The following OLR1 variants were observed in gnomAD, a reference collection of about 807,000 sequenced individuals.
OLR1 encodes the protein oxidized low density lipoprotein receptor 1.
In OLR1, 23 loss-of-function variants were observed where a neutral mutation model predicts 31.7. The ratio of observed to expected loss-of-function variants is 0.72; its 90% CI spans 0.52 to 1.03. OLR1 has a LOEUF of 1.03. Ranked by LOEUF, OLR1 falls within the 50% of genes least tolerant of loss-of-function variation. The pLI is 0.00. For missense variants in OLR1, 286 were observed against 315.7 expected (o/e 0.91, Z 0.71); for synonymous variants, 117 against 115.8 (o/e 1.01, Z -0.07).
rs960367750 is a variant in OLR1, at chr12:10,160,678, A to G, written c.564+108T>C. ...ATTGGTGATCAGACTAAGCTAAAAA[A>G]ACAGACATTTTGGCTCTCAAACAAG... On this transcript the variant is annotated intron_variant, in intron 4 of 5. Coordinates refer to ENST00000309539, the MANE Select transcript of OLR1 (RefSeq NM_002543.4). The G allele has an allele frequency of 3.5e-6, 5 of 1,427,898 alleles. No individual in the cohort carries two copies. The African/African-American group carries it at 7.0e-5, about 20-fold the overall frequency. 88.5% of individuals were successfully genotyped at this position (1,427,898 alleles called of 1,614,324 possible).
intron 2 of OLR1, among the ~76,000 whole-genome samples, chr12:10,168,847 A>C (rs1165497837): frequency 6.6e-6 from 1 of 152,156 alleles, no homozygotes; most frequent in Non-Finnish European, 1.5e-5. Flanking sequence ...ACAAACAAAC[A>C]AAAAAATGCC....
At chr12:10,167,018 T>C (rs1804354884) in intron 2 of OLR1, 61 bp from the exon 3 acceptor site, 19 of 1,507,128 alleles carry the variant, frequency 1.3e-5, no homozygotes, top group Non-Finnish European at 1.6e-5. Context: ...TCCAGGGACT[T>C]TTTGAGGAAA....
chr12:10,161,219 T>G (rs1948617467), intron 3 of OLR1, among the ~76,000 whole-genome samples: 2 of 151,992 alleles, frequency 1.3e-5, no homozygotes, highest in South Asian at 4.1e-4. Context: ...CTTCATTTTT[T>G]GGGAAAAAAA....
chr12:10,168,695 T>G (rs1171030707), intron 2 of OLR1, among the ~76,000 whole-genome samples: 3 of 152,188 alleles, frequency 2.0e-5, no homozygotes, highest in Non-Finnish European at 4.4e-5. Flanking sequence ...GGTTTCACCA[T>G]GTTGGCCAGG....
chr12:10,166,431 G>A (rs1948662288), intron 3 of OLR1, among the ~76,000 whole-genome samples: 1 of 151,360 alleles, frequency 6.6e-6, no homozygotes, highest in South Asian at 2.1e-4. Flanking sequence ...GGGAGGCTGA[G>A]GCAAGAGAAT....
At chr12:10,171,853 GC>G (rs1948721666) in intron 1 of OLR1, 148 bp downstream of exon 1, 3 of 589,968 alleles carry the variant, frequency 5.1e-6, no homozygotes, top group Non-Finnish European at 9.2e-6. Context: ...CATCATTATA[GC>G]CTTCTTGTTT....
At position 10,166,723 on chromosome 12, in the gene OLR1, G is replaced by T. The variant is rs1219917086; in HGVS notation, c.413C>A (p.Ala138Glu). 5 of 1,613,778 alleles carry T rather than the reference G, an allele frequency of 3.1e-6. No homozygotes were observed. Among genetic ancestry groups the T allele is most frequent in the Non-Finnish European group, 4.2e-6 (5 of 1,179,992 alleles). ...LNLQETLKRV[A>E]NCSAPCPQDW... ...CCTTCTCCCAATACCTGAACAATTT[G>T]CTACTCTCTTCAGTGTTTCTTGGAG... is the stretch of plus-strand genomic sequence containing the variant. Residue 138 changes from alanine (A) to glutamate (E), a missense_variant, in exon 3 of 6, where the codon GCA becomes GAA. By Grantham distance (107) the Ala-to-Glu change is moderately radical. Transcript: ENST00000309539.
chr12:10,160,613 G>A (rs527728459), intron 4 of OLR1, 151 bp from the exon 5 acceptor site: 187 of 978,094 alleles, frequency 1.9e-4, no homozygotes, highest in Non-Finnish European at 2.7e-4. Flanking sequence ...CTGAAGGCTA[G>A]AGATACTACA....
intron 1 of OLR1, among the ~76,000 whole-genome samples, chr12:10,170,144 G>C (rs1275434072): frequency 6.6e-6 from 1 of 152,206 alleles, no homozygotes; most frequent in Non-Finnish European, 1.5e-5. Context: ...TACATGACTT[G>C]AAATATTATA....
At chr12:10,175,001 T>A (rs1948755507), upstream of OLR1, among the ~76,000 whole-genome samples, 2 of 152,234 alleles carry the variant, frequency 1.3e-5, no homozygotes, top group Admixed American at 1.3e-4. Flanking sequence ...CGTTTGGGTT[T>A]ATCCTGTTTT....
Position 10,167,686 on chromosome 12 carries a change from A to C in OLR1, c.179-729T>G, listed in dbSNP as rs371332038. ...TCTGTCTACTCTTCCAGACTTCCTA[A>C]TTTTAAGAACTGTGACATACACCCC... On this transcript the variant is annotated intron_variant, in intron 2 of 5. Coordinates refer to ENST00000309539, the MANE Select transcript of OLR1 (RefSeq NM_002543.4). 7 of 152,248 alleles carry C rather than the reference A, an allele frequency of 4.6e-5. No individual in the cohort carries two copies. The East Asian group carries it at 7.7e-4, about 17-fold the overall frequency. 9.4% of individuals were successfully genotyped at this position (152,248 alleles called of 1,614,324 possible).
chr12:10,163,637 A>G (rs1235740787), intron 3 of OLR1, among the ~76,000 whole-genome samples: 1 of 151,838 alleles, frequency 6.6e-6, no homozygotes, highest in Non-Finnish European at 1.5e-5. Flanking sequence ...AAGACTTCTC[A>G]AAGCTCTTTG....
In OLR1 at chr12:10,158,443, C is replaced by T. The variant is rs771043948; in HGVS notation, c.*1437G>A. On this transcript the variant is annotated 3_prime_UTR_variant, in exon 6 of 6. Coordinates refer to ENST00000309539, the MANE Select transcript of OLR1 (RefSeq NM_002543.4). The stretch of plus-strand genomic sequence containing the variant: ...CAACATTTAAAAGAATGAATTCATA[C>T]GAGCATCAAGATGGAGACATATGAA... The T allele has an allele frequency of 2.6e-5, 4 of 151,796 alleles. No individual in the cohort carries two copies. Among genetic ancestry groups the T allele is most frequent in the Non-Finnish European group, 5.9e-5 (4 of 67,968 alleles). The allele number at this position is 151,796 out of a possible 1,614,324, so 9.4% of individuals were successfully genotyped here.
upstream of OLR1, among the ~76,000 whole-genome samples, chr12:10,172,983 G>C: frequency 6.6e-6 from 1 of 152,198 alleles, no homozygotes; most frequent in Admixed American, 6.5e-5. Flanking sequence ...CAAATGACAC[G>C]CTGGTTAAAA....
At position 10,160,365 on chromosome 12, in the gene OLR1, G is replaced by A. The variant is rs1393446830; in HGVS notation, c.662C>T (p.Ser221Phe). 1 of 1,613,298 alleles carries A rather than the reference G, an allele frequency of 6.2e-7. No individual in the cohort carries two copies. The highest frequency in any genetic ancestry group is 8.5e-7 in the Non-Finnish European group (1 of 1,179,558). Reference sequence around the variant, plus strand: ...AACTTACAAGTGGGGCATCAAAGGAGAACCGTCCTCCCAGAGCCATGGGTA... The same window carrying A: ...AACTTACAAGTGGGGCATCAAAGGAAAACCGTCCTCCCAGAGCCATGGGTA... ...PSYPWLWEDG[S>F]PLMPHLFRVR... The change falls in exon 5 of 6, where the codon TCT (serine) becomes TTT (phenylalanine). Residue 221 changes from serine to phenylalanine, a missense_variant. Ser to Phe is a radical substitution (Grantham distance 155, BLOSUM62 -2). Coordinates refer to ENST00000309539, the MANE Select transcript of OLR1 (RefSeq NM_002543.4).
chr12:10,160,984 T>C lies in OLR1; in HGVS notation c.425-59A>G, dbSNP rs1211693928. ...TGTTTGTGTAAAAGCAGTACTGCAG[T>C]TCTTAAATCAATGATCCCCTTAGTT... On this transcript the variant is annotated intron_variant, in intron 3 of 5. Coordinates refer to ENST00000309539, the MANE Select transcript of OLR1 (RefSeq NM_002543.4). 6 of 1,509,130 alleles carry C rather than the reference T, an allele frequency of 4.0e-6. No homozygotes were observed. In the Admixed American group the frequency reaches 7.2e-5, roughly 18 times the overall value. 93.5% of individuals were successfully genotyped at this position (1,509,130 alleles called of 1,614,324 possible).
chr12:10,159,755 A>T lies in OLR1; in HGVS notation c.*125T>A. On this transcript the variant is annotated 3_prime_UTR_variant, in exon 6 of 6. Coordinates refer to ENST00000309539, the MANE Select transcript of OLR1 (RefSeq NM_002543.4). ...CCTGGAACCCCAGTTTCTGCAAAGG[A>T]GTTCTGCAGCCAGCTAAATGACAGT... 1.1e-6 allele frequency: 1 copy of T among 885,388 alleles called. No homozygotes were observed. Among genetic ancestry groups the T allele is most frequent in the Non-Finnish European group, 1.6e-6 (1 of 609,048 alleles). The allele number at this position is 885,388 out of a possible 1,614,324, so 54.8% of individuals were successfully genotyped here.
rs1395727020 is a variant in OLR1, at chr12:10,160,350, T to C, written c.677A>G (p.His226Arg). Residue 226 changes from histidine (H) to arginine (R), a missense_variant, in exon 5 of 6, where the codon CAC becomes CGC. By Grantham distance (29) the His-to-Arg change is conservative. Coordinates refer to ENST00000309539, the MANE Select transcript of OLR1 (RefSeq NM_002543.4). The part of the protein sequence containing the change: ...LWEDGSPLMP[H>R]LFRVRGAVSQ... ...TCAAAAAGAATGGGAAACTTACAAG[T>C]GGGGCATCAAAGGAGAACCGTCCTC... 5 of 1,610,702 alleles carry C rather than the reference T, an allele frequency of 3.1e-6. No individual in the cohort carries two copies. The highest frequency in any genetic ancestry group is 4.5e-5 in the East Asian group (2 of 44,864).
At chr12:10,169,494 A>G (rs1236533109) in intron 1 of OLR1, among the ~76,000 whole-genome samples, 1 of 152,186 alleles carries the variant, frequency 6.6e-6, no homozygotes, top group Non-Finnish European at 1.5e-5. Context: ...TACTTTATCT[A>G]CTTTCCCGAC....
Sources: gnomAD v4.1 joint callset for allele counts (sites outside exome capture counted in the v4.1 genomes callset) on GRCh38, gnomAD v4.1.1 for gene constraint, MANE v1.5 for transcripts, NCBI Gene and HGNC (gene_info 2026-07-23, HGNC 2026-07-21) for gene names.